CENPF: variants seen among roughly 807,000 people sequenced by gnomAD.
CENPF encodes centromere protein F, also known as AH antigen.
A neutral mutation model predicts 307.3 loss-of-function variants in CENPF; 214 were observed. The ratio of observed to expected loss-of-function variants is 0.70; its 90% CI spans 0.62 to 0.78. The LOEUF is 0.78. CENPF is among the 30% of genes least tolerant of loss of function. CENPF has a pLI of 0.00. For missense variants in CENPF, 3,401 were observed against 3,483.9 expected (o/e 0.98, Z 0.60); for synonymous variants, 1,259 against 1,270.6 (o/e 0.99, Z 0.19).
At chr1:214,639,101 A>C (rs528469044) in intron 11 of CENPF, among the ~76,000 whole-genome samples, 1 of 152,344 alleles carries the variant, frequency 6.6e-6, no homozygotes, top group African/African-American at 2.4e-5. Flanking sequence ...AGATTGTAAT[A>C]CATGTTACCT....
chr1:214,641,854 A>T lies in CENPF; in HGVS notation c.3516A>T (p.Glu1172Asp). The T allele has an allele frequency of 6.2e-7, 1 of 1,608,996 alleles. No individual in the cohort carries two copies. The highest frequency in any genetic ancestry group is 8.5e-7 in the Non-Finnish European group (1 of 1,178,852). Reference protein sequence around the residue: ...TKHECQNLESEPIRNSVKERE... With the variant: ...TKHECQNLESDPIRNSVKERE... ...ATGAATGTCAAAATCTAGAATCAGA[A>T]CCAATTAGGAACTCTGTGAAAGAAA... The change falls in exon 12 of 20, where the codon GAA becomes GAT. Residue 1172 changes from glutamate to aspartate, a missense_variant. Transcript: ENST00000366955.
intron 12 of CENPF, among the ~76,000 whole-genome samples, chr1:214,643,653 G>A (rs1658199272): frequency 6.6e-6 from 1 of 152,052 alleles, no homozygotes; most frequent in Admixed American, 6.6e-5. Flanking sequence ...CATTAATAAA[G>A]TATACTGAAA....
intron 14 of CENPF, 42 bp from the exon 15 acceptor site, chr1:214,651,668 T>C: frequency 7.0e-7 from 1 of 1,420,730 alleles, no homozygotes; most frequent in Non-Finnish European, 9.6e-7. Flanking sequence ...GGTTCTTAAT[T>C]ATGAGGAGGT....
intron 1 of CENPF, among the ~76,000 whole-genome samples, chr1:214,612,106 G>A (rs1465083736): frequency 6.6e-6 from 1 of 152,186 alleles, no homozygotes; most frequent in East Asian, 1.9e-4. Flanking sequence ...GATGTTGGCT[G>A]TGGGTTTGTC....
At chr1:214,618,217 A>G (rs537559220) in intron 3 of CENPF, among the ~76,000 whole-genome samples, 1 of 152,246 alleles carries the variant, frequency 6.6e-6, no homozygotes, top group South Asian at 2.1e-4. Context: ...CCCACCACAC[A>G]TGGGGATTAT....
At position 214,632,645 on chromosome 1, in the gene CENPF, C is replaced by A. The variant is rs376811513; in HGVS notation, c.1446+43C>A. The A allele has an allele frequency of 9.5e-5, 152 of 1,605,652 alleles. 4 individuals carry two copies. The South Asian group carries it at 1.5e-3, about 16-fold the overall frequency. ...CGAATTTTCTCCACTTATGTAAGAA[C>A]CAAGTGCAAGGGGAAAAGAATATTC... On this transcript the variant is annotated intron_variant, in intron 10 of 19. Transcript: ENST00000366955.
rs772585710 is a variant in CENPF, at chr1:214,630,543, C to T, written c.1204C>T (p.Arg402Cys). Residue 402 changes from arginine to cysteine, a missense_variant, in exon 9 of 20, where the codon CGT becomes TGT. Coordinates refer to ENST00000366955, the MANE Select transcript of CENPF (RefSeq NM_016343.4). ...KEKEFQEELSRQQRSFQTLDQ... is the reference protein window; with the variant it reads ...KEKEFQEELSCQQRSFQTLDQ... ...GCCCTTTGTTTTTCAGGAGCTCTCC[C>T]GTCAACAGCGTTCTTTCCAAACACT... 16 of 1,613,938 alleles carry T rather than the reference C, an allele frequency of 9.9e-6. 1 individual carries two copies. The highest frequency in any genetic ancestry group is 5.5e-5 in the South Asian group (5 of 91,068).
intron 14 of CENPF, 114 bp downstream of exon 14, chr1:214,648,941 A>G: frequency 9.7e-7 from 1 of 1,031,930 alleles, no homozygotes; most frequent in African/African-American, 1.6e-5. Flanking sequence ...TAGCTCTTGA[A>G]AAAAATAACC....
Position 214,643,214 on chromosome 1 carries a change from GCAGAAAAGAAACAGA to G in CENPF, c.4878_4892del (p.Lys1628_Glu1632del). On this transcript the variant is annotated inframe_deletion, in exon 12 of 20. Coordinates refer to ENST00000366955, the MANE Select transcript of CENPF (RefSeq NM_016343.4). Reference sequence around the variant, plus strand: ...TCTGGAGATGGAGTCCAAGTTGGCGGCAGAAAAGAAACAGACGGAACAACTGTCACTTGAGCTGGA... The same window carrying G: ...TCTGGAGATGGAGTCCAAGTTGGCGGCGGAACAACTGTCACTTGAGCTGGA... The G allele has an allele frequency of 6.2e-7, 1 of 1,602,834 alleles. No homozygotes were observed. The highest frequency in any genetic ancestry group is 2.2e-5 in the East Asian group (1 of 44,738).
chr1:214,631,528 C>T (rs1219830576), intron 9 of CENPF, among the ~76,000 whole-genome samples: 1 of 151,824 alleles, frequency 6.6e-6, no homozygotes, highest in Admixed American at 6.5e-5. Context: ...GAGACGGAGT[C>T]TCCCTCTGTC....
intron 19 of CENPF, among the ~76,000 whole-genome samples, chr1:214,661,280 A>G (rs1658780408): frequency 6.6e-6 from 1 of 152,242 alleles, no homozygotes; most frequent in African/African-American, 2.4e-5. Context: ...AGGAGAATTC[A>G]TGATTAGATT....
At chr1:214,623,355 T>C (rs1397867870) in intron 7 of CENPF, among the ~76,000 whole-genome samples, 1 of 152,184 alleles carries the variant, frequency 6.6e-6, no homozygotes, top group Non-Finnish European at 1.5e-5. Context: ...ATTTAAAGTG[T>C]GTGGGAGGAT....
intron 7 of CENPF, among the ~76,000 whole-genome samples, chr1:214,623,689 G>A (rs1282826073): frequency 6.6e-6 from 1 of 151,926 alleles, no homozygotes; most frequent in Admixed American, 6.6e-5. Context: ...CTATATATTA[G>A]GCACTGTTCC....
At chr1:214,648,634 G>C in intron 13 of CENPF, 41 bp from the exon 14 acceptor site, 2 of 1,606,044 alleles carry the variant, frequency 1.2e-6, no homozygotes, top group South Asian at 2.2e-5. Flanking sequence ...GATCAAAACA[G>C]ACCACCAAAA....
intron 17 of CENPF, among the ~76,000 whole-genome samples, chr1:214,656,234 C>T (rs570361145): frequency 2.4e-4 from 36 of 152,254 alleles, no homozygotes; most frequent in African/African-American, 2.2e-4. Flanking sequence ...ATGTGCTTAC[C>T]GTGTGGATAG....
intron 1 of CENPF, among the ~76,000 whole-genome samples, chr1:214,605,267 A>C (rs1490580212): frequency 6.6e-6 from 1 of 152,166 alleles, no homozygotes; most frequent in African/African-American, 2.4e-5. Context: ...AAAAGTATGT[A>C]ATAGCTAACA....
chr1:214,642,117 G>A lies in CENPF; in HGVS notation c.3779G>A (p.Gly1260Asp), dbSNP rs1293000019. 1.2e-6 allele frequency: 2 copies of A among 1,613,258 alleles called. No homozygotes were observed. The highest frequency in any genetic ancestry group is 1.1e-5 in the South Asian group (1 of 90,854). Reference sequence around the variant, plus strand: ...GACATGCAGTCACAAGAAATTAGTGGCCTTAAAGACTGTGAAATAGATGCG... The same window carrying A: ...GACATGCAGTCACAAGAAATTAGTGACCTTAAAGACTGTGAAATAGATGCG... Reference protein sequence around the residue: ...LQDMQSQEISGLKDCEIDAEE... With the variant: ...LQDMQSQEISDLKDCEIDAEE... Residue 1260 changes from glycine (G) to aspartate (D), a missense_variant, in exon 12 of 20, where the codon GGC (glycine) becomes GAC (aspartate). Transcript: ENST00000366955.
rs372144616 is a variant in CENPF, at chr1:214,642,204, T to G, written c.3866T>G (p.Leu1289Arg). The part of the protein sequence containing the change: ...LSTSQNDNAH[L>R]QCSLQTTMNK... ...ACAAGTCAAAACGACAATGCACACCTTCAGTGCTCTCTGCAAACAACAATG... is the reference window on the plus strand; with the variant it reads ...ACAAGTCAAAACGACAATGCACACCGTCAGTGCTCTCTGCAAACAACAATG... The change falls in exon 12 of 20, where the codon CTT becomes CGT. Residue 1289 changes from leucine to arginine, a missense_variant. Leu to Arg is a moderately radical substitution (Grantham distance 102). Coordinates refer to ENST00000366955, the MANE Select transcript of CENPF (RefSeq NM_016343.4). 3.1e-6 allele frequency: 5 copies of G among 1,614,050 alleles called. No homozygotes were observed. The highest frequency in any genetic ancestry group is 4.2e-6 in the Non-Finnish European group (5 of 1,180,036).
intron 18 of CENPF, among the ~76,000 whole-genome samples, chr1:214,657,776 C>T (rs886219647): frequency 5.3e-5 from 8 of 152,146 alleles, no homozygotes; most frequent in African/African-American, 1.7e-4. Context: ...TGATGCTGGC[C>T]CCCTGACTGG....
Sources: allele counts gnomAD v4.1 joint callset (sites outside exome capture counted in the v4.1 genomes callset), GRCh38; gene constraint gnomAD v4.1.1; transcripts MANE v1.5; gene names NCBI Gene and HGNC (gene_info 2026-07-23, HGNC 2026-07-21).